USP25: variants seen among roughly 807,000 people sequenced by gnomAD.
USP25 encodes ubiquitin specific peptidase 25.
In USP25, 85 loss-of-function variants were observed where a neutral mutation model predicts 158.5. The observed-to-expected ratio is 0.54, with a 90% CI of 0.45 to 0.64. The LOEUF is 0.64. Among genes scored for constraint, USP25 ranks in the 30% least tolerant of loss-of-function variants. The pLI is 0.00. For synonymous variants in USP25, 464 were observed against 460.4 expected, an observed-to-expected ratio of 1.01 and a Z score of -0.10; for missense variants, 1,242 against 1,327.3, an observed-to-expected ratio of 0.94 and a Z score of 1.00.
rs572004357 is a variant in USP25 at position 15,843,271 on chromosome 21, C to G, written c.2337+731C>G. ...CTTTTATTAGTGAGCATAAGCAGCT[C>G]TAATGCAGATTTTGTGGTAGTTCCT... On this transcript the variant is annotated intron_variant, in intron 18 of 25. Transcript: ENST00000400183. This position sits in a 1 kb window ranked among gnomAD's most constrained non-coding sequence, Gnocchi z 4.0. 6.6e-6 allele frequency among the ~76,000 whole-genome samples: 1 copy of G among 152,266 alleles called. No homozygotes were observed. Among genetic ancestry groups the G allele is most frequent in the South Asian group, 2.1e-4 (1 of 4,824 alleles).
intron 20 of USP25, among the ~76,000 whole-genome samples, chr21:15,863,119 A>G (rs913816615): frequency 6.6e-6 from 1 of 152,066 alleles, no homozygotes; most frequent in African/African-American, 2.4e-5. Flanking sequence ...AAAAAGCTTT[A>G]TCTTAATCAT....
chr21:15,765,950 A>T lies in USP25; in HGVS notation c.124-47A>T, dbSNP rs191783387. On this transcript the variant is annotated intron_variant, in intron 2 of 25. Transcript: ENST00000400183. ...AATATTGTATAACTTTTTTTGATGGATAAAATTATTTCAAAACACTTGATA... is the reference window on the plus strand; with the variant it reads ...AATATTGTATAACTTTTTTTGATGGTTAAAATTATTTCAAAACACTTGATA... 4.0e-4 allele frequency: 618 copies of T among 1,556,564 alleles called. 1 individual carries two copies. The African/African-American group carries it at 7.7e-3, about 19-fold the overall frequency.
intron 19 of USP25, among the ~76,000 whole-genome samples, chr21:15,848,026 A>G (rs2038709362): frequency 6.6e-6 from 1 of 152,202 alleles, no homozygotes; most frequent in Admixed American, 6.5e-5. Context: ...TTATGCAGAA[A>G]TAGTACCAGT....
chr21:15,732,627 A>AAG (rs1214760467), intron 1 of USP25, among the ~76,000 whole-genome samples: 2 of 152,230 alleles, frequency 1.3e-5, no homozygotes, highest in African/African-American at 2.4e-5. Context: ...CACCTTAAAA[A>AAG]ACTGTGTGTA....
chr21:15,869,891 A>T (rs2039813592), intron 22 of USP25, among the ~76,000 whole-genome samples, 177 bp from the exon 23 acceptor site: 1 of 152,186 alleles, frequency 6.6e-6, no homozygotes, highest in Admixed American at 6.5e-5. Context: ...TTGTATTAAT[A>T]AATAGTCTTG....
At chr21:15,730,671 C>T (rs1342668269) in intron 1 of USP25, among the ~76,000 whole-genome samples, 3 of 152,208 alleles carry the variant, frequency 2.0e-5, no homozygotes, top group Non-Finnish European at 2.9e-5. Context: ...ATTGTTTTCC[C>T]GTAGCAGACG....
At chr21:15,832,612 A>T (rs1005052879) in intron 16 of USP25, among the ~76,000 whole-genome samples, 2 of 152,152 alleles carry the variant, frequency 1.3e-5, no homozygotes, top group African/African-American at 4.8e-5. Flanking sequence ...TAAGGTTAAC[A>T]TGATTATGAG....
At chr21:15,785,370 T>C (rs1481799777) in intron 4 of USP25, among the ~76,000 whole-genome samples, 2 of 152,216 alleles carry the variant, frequency 1.3e-5, no homozygotes, top group African/African-American at 4.8e-5. Context: ...AACTACACCA[T>C]GGACATTTAC....
At chr21:15,791,697 A>ATG (rs748882624) in intron 5 of USP25, 33 bp downstream of exon 5, 1 of 1,583,026 alleles carries the variant, frequency 6.3e-7, no homozygotes, top group South Asian at 1.2e-5. Flanking sequence ...TTCTTATTTG[A>ATG]TGTGTGTGAT....
intron 19 of USP25, among the ~76,000 whole-genome samples, 177 bp from the exon 20 acceptor site, chr21:15,849,600 G>T (rs1031201976): frequency 6.6e-6 from 1 of 152,248 alleles, no homozygotes; most frequent in East Asian, 1.9e-4. Context: ...GTATGAGCCA[G>T]CTGTGCCCTG....
chr21:15,864,496 T>C lies in USP25; in HGVS notation c.2726+50T>C, dbSNP rs2039572720. On this transcript the variant is annotated intron_variant, in intron 21 of 25. Transcript: ENST00000400183. ...ATGCTCAAATCGTTCTTTTTTTTTT[T>C]CCTGCAGATTCCCAGGATAATTTTT... 5 of 1,417,976 alleles carry C rather than the reference T, an allele frequency of 3.5e-6. No homozygotes were observed. In the African/African-American group the frequency reaches 4.4e-5, roughly 13 times the overall value. 87.8% of individuals were successfully genotyped at this position (1,417,976 alleles called of 1,614,324 possible).
Position 15,866,350 on chromosome 21 carries a change from G to A in USP25, c.2805+6G>A, listed in dbSNP as rs1245562285. The A allele has an allele frequency of 6.3e-7, 1 of 1,596,264 alleles. No individual in the cohort carries two copies. Among genetic ancestry groups the A allele is most frequent in the Non-Finnish European group, 8.5e-7 (1 of 1,171,530 alleles). ...TAAACTTGGAGGAATATGAGGTAAT[G>A]TGCTTTCTTAGAGGTTAAACTACAG... On this transcript the variant is annotated splice_donor_region_variant and intron_variant, in intron 22 of 25. Transcript: ENST00000400183.
At chr21:15,850,642 ATTTC>A (rs555849651) in intron 20 of USP25, among the ~76,000 whole-genome samples, 11 of 151,228 alleles carry the variant, frequency 7.3e-5, no homozygotes, top group Non-Finnish European at 1.0e-4. Flanking sequence ...TGAACTATGC[ATTTC>A]TTTCTTTTTG....
chr21:15,750,925 T>TC (rs1369557832), intron 1 of USP25, among the ~76,000 whole-genome samples: 1 of 152,138 alleles, frequency 6.6e-6, no homozygotes. Flanking sequence ...GCCCTTTTTT[T>TC]CTCTTAAAAC....
At chr21:15,785,697 C>T (rs1016577081) in intron 4 of USP25, among the ~76,000 whole-genome samples, 3 of 152,138 alleles carry the variant, frequency 2.0e-5, no homozygotes, top group Non-Finnish European at 4.4e-5. Context: ...TAAATGCCTG[C>T]ATCAGAAATG....
At chr21:15,857,585 A>G (rs1182016563) in intron 20 of USP25, among the ~76,000 whole-genome samples, 2 of 152,082 alleles carry the variant, frequency 1.3e-5, no homozygotes, top group Non-Finnish European at 2.9e-5. Context: ...TACGTTTATT[A>G]CACTGAGTTT....
At chr21:15,877,480 A>G in intron 24 of USP25, 1 of 187,450 alleles carries the variant, frequency 5.3e-6, no homozygotes, top group Non-Finnish European at 1.1e-5. Context: ...ACAATTTTAT[A>G]ATTTGGGGAA....
chr21:15,864,031 C>CTTTT (rs369749565), intron 20 of USP25, among the ~76,000 whole-genome samples: 1 of 85,628 alleles, frequency 1.2e-5, no homozygotes, highest in Non-Finnish European at 2.4e-5. Context: ...TGGGAGACTT[C>CTTTT]TTTTTTTTTT....
At chr21:15,804,683 T>A (rs956985420) in intron 6 of USP25, among the ~76,000 whole-genome samples, 2 of 151,938 alleles carry the variant, frequency 1.3e-5, no homozygotes, top group Non-Finnish European at 1.5e-5. Flanking sequence ...GAGTGGAGAT[T>A]TTTGCTAAAT....
Sources: allele counts gnomAD v4.1 joint callset (sites outside exome capture counted in the v4.1 genomes callset), GRCh38; gene constraint gnomAD v4.1.1; non-coding constraint Gnocchi (gnomAD v3.1); transcripts MANE v1.5; gene names NCBI Gene and HGNC (gene_info 2026-07-23, HGNC 2026-07-21).